The following DCLK1 variants were observed in gnomAD, a reference collection of about 807,000 sequenced individuals.
DCLK1 encodes serine/threonine-protein kinase DCLK1.
In DCLK1, 16 loss-of-function variants were observed where a neutral mutation model predicts 86.2. That is an observed-to-expected ratio of 0.19 (90% CI 0.13 to 0.28). The LOEUF (loss-of-function observed/expected upper bound fraction) is 0.28. Among genes scored for constraint, DCLK1 ranks in the 10% least tolerant of loss-of-function variants. The pLI, the probability that DCLK1 is intolerant of heterozygous loss-of-function variation, is 1.00. For synonymous variants in DCLK1, 369 were observed against 370.5 expected (o/e 1.00, Z 0.05); for missense variants, 590 against 940.2 (o/e 0.63, Z 4.87).
intron 3 of DCLK1, among the ~76,000 whole-genome samples, chr13:35,986,935 C>A (rs74784892): frequency 6.6e-6 from 1 of 152,226 alleles, no homozygotes; most frequent in African/African-American, 2.4e-5. Context: ...AGTTTCCTCA[C>A]TGCAAGAAAG....
At chr13:35,898,216 A>G (rs1419486614) in intron 4 of DCLK1, among the ~76,000 whole-genome samples, 1 of 152,180 alleles carries the variant, frequency 6.6e-6, no homozygotes, top group South Asian at 2.1e-4. Context: ...CTGGAACTAA[A>G]AAATGTCAAT....
chr13:35,901,557 G>T (rs1389716199), intron 4 of DCLK1, among the ~76,000 whole-genome samples: 1 of 151,428 alleles, frequency 6.6e-6, no homozygotes, highest in Non-Finnish European at 1.5e-5. Context: ...GGCCTTGCGG[G>T]GAGGAAATAG....
chr13:36,003,956 T>C (rs1161091791), intron 3 of DCLK1, among the ~76,000 whole-genome samples: 1 of 152,230 alleles, frequency 6.6e-6, no homozygotes, highest in Non-Finnish European at 1.5e-5. Context: ...AATAAAATTT[T>C]ATATCTTTAT....
intron 4 of DCLK1, among the ~76,000 whole-genome samples, chr13:35,940,107 GC>G (rs1876995699): frequency 6.6e-6 from 1 of 152,062 alleles, no homozygotes; most frequent in Non-Finnish European, 1.5e-5. Context: ...TGTAGTCCCA[GC>G]TACTCGGGAG....
In DCLK1 at chr13:35,947,341, A is replaced by C. The variant is rs1185750443; in HGVS notation, c.823+17T>G. ...TGCCTCAAATTTCCCCTGGTTTTGA[A>C]CTTTTTTTTTCCTTACCACTTTCAT... On this transcript the variant is annotated intron_variant, in intron 4 of 16. Transcript: ENST00000360631. 1.2e-6 allele frequency: 2 copies of C among 1,606,838 alleles called. No individual in the cohort carries two copies. Among genetic ancestry groups the C allele is most frequent in the African/African-American group, 1.3e-5 (1 of 74,714 alleles).
At chr13:36,087,305 A>G (rs1177393111) in intron 3 of DCLK1, among the ~76,000 whole-genome samples, 4 of 152,184 alleles carry the variant, frequency 2.6e-5, no homozygotes, top group Admixed American at 6.5e-5. Context: ...AACACTCTAC[A>G]TGATAGAGAC....
At chr13:36,096,217 G>A (rs1885016163) in intron 3 of DCLK1, among the ~76,000 whole-genome samples, 1 of 152,206 alleles carries the variant, frequency 6.6e-6, no homozygotes. Context: ...ACTATGCCTA[G>A]ATATAAGCCC....
chr13:35,876,579 G>C (rs1872603657), intron 4 of DCLK1, among the ~76,000 whole-genome samples: 1 of 152,210 alleles, frequency 6.6e-6, no homozygotes, highest in Non-Finnish European at 1.5e-5. Flanking sequence ...CATGGCTTCA[G>C]AGAGAATGCC....
intron 5 of DCLK1, among the ~76,000 whole-genome samples, chr13:35,868,108 C>T (rs1326836166): frequency 2.0e-5 from 3 of 150,594 alleles, no homozygotes; most frequent in South Asian, 2.1e-4. Context: ...CTGCAAGCTC[C>T]ACCTCCCGGG....
intron 3 of DCLK1, among the ~76,000 whole-genome samples, chr13:35,953,223 T>G (rs1337489860): frequency 6.6e-6 from 1 of 152,094 alleles, no homozygotes; most frequent in African/African-American, 2.4e-5. Flanking sequence ...ATTTTACAGA[T>G]GAAAAATCCA....
At chr13:35,861,080 C>T (rs561022672) in intron 5 of DCLK1, among the ~76,000 whole-genome samples, 2 of 152,210 alleles carry the variant, frequency 1.3e-5, no homozygotes, top group East Asian at 3.9e-4. Context: ...ATTTGGCACA[C>T]AACAGGTGAT....
chr13:35,906,903 C>G (rs117553146), intron 4 of DCLK1, among the ~76,000 whole-genome samples: 1 of 152,088 alleles, frequency 6.6e-6, no homozygotes, highest in Non-Finnish European at 1.5e-5. Context: ...GTCGAGGGCC[C>G]GGAGTCAGGT....
At chr13:35,847,045 A>G in intron 6 of DCLK1, 1 of 985,272 alleles carries the variant, frequency 1.0e-6, no homozygotes, top group Non-Finnish European at 1.2e-6. Context: ...TTTAGAGTAT[A>G]GTGATTGGCA....
rs140839909 is a variant in DCLK1, at chr13:35,883,783, G to A, written c.824-12443C>T. Among the ~76,000 whole-genome samples, 9 of 152,226 alleles carry A rather than the reference G, an allele frequency of 5.9e-5. No homozygotes were observed. The South Asian group carries it at 8.3e-4, about 14-fold the overall frequency. On this transcript the variant is annotated intron_variant, in intron 4 of 16. Coordinates refer to ENST00000360631, the MANE Select transcript of DCLK1 (RefSeq NM_001330071.2). ...TGGAGATGATGAGGAGATAGAGTTCGCAAAGCTTGAGGATGGATTGCATAG... is the reference window on the plus strand; with the variant it reads ...TGGAGATGATGAGGAGATAGAGTTCACAAAGCTTGAGGATGGATTGCATAG...
intron 4 of DCLK1, among the ~76,000 whole-genome samples, chr13:35,899,494 G>A (rs7327576): frequency 0.089 from 13,557 of 151,682 alleles, 735 homozygotes; most frequent in African/African-American, 0.15. Flanking sequence ...AAGCAAGCAA[G>A]AAAAAAAGCC....
At chr13:35,867,385 G>T (rs1871873000) in intron 5 of DCLK1, among the ~76,000 whole-genome samples, 1 of 152,106 alleles carries the variant, frequency 6.6e-6, no homozygotes, top group Non-Finnish European at 1.5e-5. Flanking sequence ...ATTTTAGAAT[G>T]AATTTGGACT....
intron 4 of DCLK1, among the ~76,000 whole-genome samples, chr13:35,906,266 G>A (rs1259678342): frequency 6.6e-6 from 1 of 151,264 alleles, no homozygotes; most frequent in African/African-American, 2.4e-5. Context: ...CTAAATTTAG[G>A]AAGTAGATGC....
At chr13:35,955,961 G>A (rs1366277336) in intron 3 of DCLK1, among the ~76,000 whole-genome samples, 1 of 152,158 alleles carries the variant, frequency 6.6e-6, no homozygotes, top group East Asian at 1.9e-4. Context: ...GAAGAATAGA[G>A]TTTACTTAGA....
chr13:35,814,398 AT>A (rs2087222100), intron 11 of DCLK1, among the ~76,000 whole-genome samples: 1 of 152,110 alleles, frequency 6.6e-6, no homozygotes, highest in African/African-American at 2.4e-5. Context: ...ACAAGTTCAC[AT>A]TGAAAATGCC....
Sources: gnomAD v4.1 joint callset for allele counts (sites outside exome capture counted in the v4.1 genomes callset) on GRCh38, gnomAD v4.1.1 for gene constraint, MANE v1.5 for transcripts, NCBI Gene and HGNC (gene_info 2026-07-23, HGNC 2026-07-21) for gene names.